Variants in CR1 observed in about 807,000 individuals in gnomAD.
CR1 encodes complement receptor type 1.
CR1 carries 116 observed loss-of-function variants against 187.3 expected under a neutral mutation model. That is an observed-to-expected ratio of 0.62 (90% CI 0.53 to 0.72). The LOEUF (loss-of-function observed/expected upper bound fraction) is 0.72. CR1 is among the 30% of genes least tolerant of loss of function. The pLI is 0.00. For missense variants in CR1, 1,731 were observed against 2,110.7 expected (o/e 0.82, Z 3.52); for synonymous variants, 576 against 747.1 (o/e 0.77, Z 3.73).
At position 207,607,388 on chromosome 1, in the gene CR1, C is replaced by T. The variant is rs1661784364; in HGVS notation, c.5896+52C>T. The T allele has an allele frequency of 2.2e-6, 3 of 1,339,866 alleles. No individual in the cohort carries two copies. In the South Asian group the frequency reaches 3.5e-5, roughly 16 times the overall value. The allele number at this position is 1,339,866 out of a possible 1,614,324, so 83.0% of individuals were successfully genotyped here. A position where few individuals can be genotyped will look rare whatever the true frequency, so the allele number is the denominator to read the frequency against. ...ATTCCTCTGTGTGATCCTGACTTGCCCCTGGAGTACAAAGAATAAATTGAA... is the reference window on the plus strand; with the variant it reads ...ATTCCTCTGTGTGATCCTGACTTGCTCCTGGAGTACAAAGAATAAATTGAA... On this transcript the variant is annotated intron_variant, in intron 36 of 46. Transcript: ENST00000367049.
intron 45 of CR1, among the ~76,000 whole-genome samples, chr1:207,624,278 G>T (rs1662414894): frequency 6.6e-6 from 1 of 152,022 alleles, no homozygotes; most frequent in Admixed American, 6.6e-5. Flanking sequence ...ACTAAGATCT[G>T]AATAAAGAAA....
chr1:207,519,820 C>T (rs1378366024), intron 4 of CR1, among the ~76,000 whole-genome samples: 2 of 151,976 alleles, frequency 1.3e-5, no homozygotes, highest in African/African-American at 4.8e-5. Flanking sequence ...CAGAAACAGC[C>T]GATTGGTTAT....
chr1:207,564,426 A>T (rs1660422380), intron 23 of CR1, among the ~76,000 whole-genome samples, 192 bp downstream of exon 23: 1 of 150,024 alleles, frequency 6.7e-6, no homozygotes, highest in African/African-American at 2.5e-5. Flanking sequence ...AGATATGAAG[A>T]GGAAACTGGA....
Position 207,506,092 on chromosome 1 carries a change from C to A in CR1, c.301+9C>A. On this transcript the variant is annotated intron_variant, in intron 2 of 46. Transcript: ENST00000367049. Reference sequence around the variant, plus strand: ...TAAGGACAGGTGCAGACGTAAGTAACTCTGGAGTGGGAACCCCCCTGTTAG... The same window carrying A: ...TAAGGACAGGTGCAGACGTAAGTAAATCTGGAGTGGGAACCCCCCTGTTAG... 1.2e-6 allele frequency: 2 copies of A among 1,610,626 alleles called. No homozygotes were observed. The highest frequency in any genetic ancestry group is 1.7e-6 in the Non-Finnish European group (2 of 1,178,712).
At chr1:207,596,520 A>T (rs1249102591) in intron 35 of CR1, among the ~76,000 whole-genome samples, 1 of 152,094 alleles carries the variant, frequency 6.6e-6, no homozygotes, top group East Asian at 1.9e-4. Context: ...AGGCTGAGGC[A>T]GGAGAATCAC....
At chr1:207,601,534 G>A (rs1242735272) in intron 35 of CR1, among the ~76,000 whole-genome samples, 2 of 151,998 alleles carry the variant, frequency 1.3e-5, no homozygotes, top group Admixed American at 6.6e-5. Flanking sequence ...ATCCCCATCA[G>A]CAATGCACAA....
chr1:207,566,036 TA>T, intron 24 of CR1, 113 bp downstream of exon 24: 1 of 1,377,110 alleles, frequency 7.3e-7, no homozygotes, highest in Non-Finnish European at 1.0e-6. Flanking sequence ...ATTATCGATT[TA>T]AAAATAGTTT....
chr1:207,637,204 T>C (rs116267910), intron 46 of CR1, among the ~76,000 whole-genome samples: 2,235 of 145,246 alleles, frequency 0.015, 38 homozygotes, highest in Non-Finnish European at 0.019. Flanking sequence ...AAGACTGTAA[T>C]TTTTTAGCTT....
intron 46 of CR1, among the ~76,000 whole-genome samples, chr1:207,634,615 G>A (rs1662755572): frequency 7.0e-6 from 1 of 142,214 alleles, no homozygotes; most frequent in Admixed American, 6.9e-5. Flanking sequence ...GTAATAACCG[G>A]GGAACAGATG....
intron 1 of CR1, among the ~76,000 whole-genome samples, chr1:207,498,280 G>T (rs1659152751): frequency 6.6e-6 from 1 of 152,196 alleles, no homozygotes; most frequent in African/African-American, 2.4e-5. Flanking sequence ...CGAAAAGCGA[G>T]AAATCTCAAC....
At chr1:207,511,098 A>G (rs947665700) in intron 3 of CR1, among the ~76,000 whole-genome samples, 1 of 152,126 alleles carries the variant, frequency 6.6e-6, no homozygotes, top group East Asian at 1.9e-4. Flanking sequence ...CTGGAATTAC[A>G]GGGGTGAGCC....
intron 27 of CR1, among the ~76,000 whole-genome samples, chr1:207,574,830 AAAT>A (rs1323880852): frequency 9.2e-5 from 14 of 152,232 alleles, no homozygotes; most frequent in African/African-American, 2.2e-4. Context: ...TCATTAGAAA[AAAT>A]AATAAGTTTA....
At chr1:207,574,456 C>T (rs1660673065) in intron 27 of CR1, among the ~76,000 whole-genome samples, 1 of 151,974 alleles carries the variant, frequency 6.6e-6, no homozygotes, top group Admixed American at 6.6e-5. Context: ...AAAAATTGTA[C>T]CATTTAAGTA....
At chr1:207,525,313 T>C (rs1341859939) in intron 5 of CR1, among the ~76,000 whole-genome samples, 2 of 151,386 alleles carry the variant, frequency 1.3e-5, no homozygotes, top group African/African-American at 2.4e-5. Context: ...GGAAAAGCAA[T>C]AGGACAAAGG....
chr1:207,609,248 A>G (rs750508850), intron 36 of CR1, 42 bp from the exon 37 acceptor site: 3 of 1,474,708 alleles, frequency 2.0e-6, no homozygotes, highest in Non-Finnish European at 2.7e-6. Context: ...ATAATTCATT[A>G]TTAAAAAATA....
intron 35 of CR1, among the ~76,000 whole-genome samples, chr1:207,601,461 T>C (rs1661602750): frequency 1.3e-5 from 2 of 152,178 alleles, no homozygotes; most frequent in Admixed American, 1.3e-4. Context: ...GGGGATATGG[T>C]AATTCTGTTT....
chr1:207,520,019 C>T (rs543092719), intron 4 of CR1, among the ~76,000 whole-genome samples: 3 of 152,256 alleles, frequency 2.0e-5, no homozygotes, highest in Admixed American at 1.3e-4. Context: ...CTTGATTTAA[C>T]GATTTACATA....
Position 207,518,509 on chromosome 1 carries a change from T to C in CR1, c.488-5102T>C, listed in dbSNP as rs549270919. Among the ~76,000 whole-genome samples, 3 of 152,278 alleles carry C rather than the reference T, an allele frequency of 2.0e-5. No homozygotes were observed. In the South Asian group the frequency reaches 6.2e-4, roughly 32 times the overall value. ...CTGCTGTAACAAATTACCACAAACT[T>C]AGTGGCTTCAAAGAAGAGAAATTTA... On this transcript the variant is annotated intron_variant, in intron 4 of 46. Coordinates refer to ENST00000367049, the MANE Select transcript of CR1 (RefSeq NM_000651.6).
intron 5 of CR1, among the ~76,000 whole-genome samples, chr1:207,526,196 G>A (rs1455969193): frequency 6.6e-6 from 1 of 152,038 alleles, no homozygotes; most frequent in Admixed American, 6.5e-5. Context: ...ATAGCATGAG[G>A]AGAGGAGACC....
Sources: gnomAD v4.1 joint callset for allele counts (sites outside exome capture counted in the v4.1 genomes callset) on GRCh38, gnomAD v4.1.1 for gene constraint, MANE v1.5 for transcripts, NCBI Gene and HGNC (gene_info 2026-07-23, HGNC 2026-07-21) for gene names.